Variants in PTPRN2 observed in about 807,000 individuals in gnomAD.
PTPRN2 encodes receptor-type tyrosine-protein phosphatase N2.
Under a neutral mutation model 118.8 loss-of-function variants are expected in PTPRN2, and 74 were observed. That is an observed-to-expected ratio of 0.62 (90% CI 0.52 to 0.76). The LOEUF is 0.76. PTPRN2 is among the 30% of genes least tolerant of loss of function. The pLI is 0.00. For synonymous variants in PTPRN2, 641 were observed against 608.0 expected (o/e 1.05, Z -0.80); for missense variants, 1,481 against 1,394.4 (o/e 1.06, Z -0.99).
At chr7:158,271,219 T>C (rs925333576) in intron 3 of PTPRN2, among the ~76,000 whole-genome samples, 3 of 152,084 alleles carry the variant, frequency 2.0e-5, no homozygotes, top group African/African-American at 7.2e-5. Context: ...TTCTCTTGTG[T>C]TGTGAATGCA....
intron 12 of PTPRN2, among the ~76,000 whole-genome samples, chr7:157,842,219 AC>A (rs1808472320): frequency 6.6e-6 from 1 of 151,996 alleles, no homozygotes; most frequent in South Asian, 2.1e-4. Context: ...ACATGGTCAA[AC>A]CAGGCCTCCC....
In PTPRN2 at chr7:157,729,175, A is replaced by G. The variant is rs1449305767; in HGVS notation, c.1789-46238T>C. ...TTTTTGGACAGAATTCCTATTAAAT[A>G]CAATATAGAGTATTTCATTTTCTGC... On this transcript the variant is annotated intron_variant, in intron 12 of 22. Coordinates refer to ENST00000389418, the MANE Select transcript of PTPRN2 (RefSeq NM_002847.5). The surrounding 1 kb of genome is among the most constrained non-coding windows in gnomAD (Gnocchi z 4.3). 6.6e-6 allele frequency among the ~76,000 whole-genome samples: 1 copy of G among 152,076 alleles called. No individual in the cohort carries two copies. Among genetic ancestry groups the G allele is most frequent in the Non-Finnish European group, 1.5e-5 (1 of 68,006 alleles).
intron 11 of PTPRN2, among the ~76,000 whole-genome samples, chr7:157,917,863 G>A (rs948328597): frequency 1.3e-5 from 2 of 152,096 alleles, no homozygotes; most frequent in African/African-American, 4.8e-5. Flanking sequence ...TCAGCAGGCC[G>A]AGCTGGGGCT....
At chr7:157,817,998 G>C (rs1017987242) in intron 12 of PTPRN2, among the ~76,000 whole-genome samples, 3 of 151,954 alleles carry the variant, frequency 2.0e-5, no homozygotes, top group Admixed American at 6.6e-5. Flanking sequence ...TATGTGTTGT[G>C]CGTGGGGCAT....
chr7:157,622,396 C>G lies in PTPRN2; in HGVS notation c.2197-887G>C, dbSNP rs1342153577. Reference sequence around the variant, plus strand: ...CGGCCACGCATTCCAATGTCAGGCCCGGGGTCCAAGCCCTTCTCACCTTCT... The same window carrying G: ...CGGCCACGCATTCCAATGTCAGGCCGGGGGTCCAAGCCCTTCTCACCTTCT... On this transcript the variant is annotated intron_variant, in intron 14 of 22. Transcript: ENST00000389418. This position sits in a 1 kb window ranked among gnomAD's most constrained non-coding sequence, Gnocchi z 5.3. Among the ~76,000 whole-genome samples, 1 of 152,130 alleles carries G rather than the reference C, an allele frequency of 6.6e-6. No individual in the cohort carries two copies. The highest frequency in any genetic ancestry group is 2.4e-5 in the African/African-American group (1 of 41,428).
At chr7:157,956,919 T>G (rs1168532610) in intron 11 of PTPRN2, among the ~76,000 whole-genome samples, 3 of 152,236 alleles carry the variant, frequency 2.0e-5, no homozygotes, top group Non-Finnish European at 4.4e-5. Context: ...ATCTGCAACC[T>G]TGCTAGAATG....
intron 12 of PTPRN2, among the ~76,000 whole-genome samples, chr7:157,788,374 C>CAAAAAAAAAAAAAAAAAA (rs749886375): frequency 9.3e-5 from 7 of 75,536 alleles, no homozygotes; most frequent in South Asian, 5.1e-4. Flanking sequence ...GACTCCATCT[C>CAAAAAAAAAAAAAAAAAA]AAAAAAAAAA....
chr7:158,529,210 G>A lies in PTPRN2; in HGVS notation c.113-39425C>T, dbSNP rs1825031984. Among the ~76,000 whole-genome samples the A allele has an allele frequency of 6.6e-6, 1 of 152,260 alleles. No homozygotes were observed. Among genetic ancestry groups the A allele is most frequent in the Admixed American group, 6.5e-5 (1 of 15,290 alleles). On this transcript the variant is annotated intron_variant, in intron 1 of 22. Transcript: ENST00000389418. This position sits in a 1 kb window ranked among gnomAD's most constrained non-coding sequence, Gnocchi z 4.7. ...ACCTGGTGGGCACTAAGCACCCGTC[G>A]CTGTTGGTCCTGGGGCTAACGCTGA...
chr7:158,091,213 T>A (rs1563422401), intron 10 of PTPRN2, among the ~76,000 whole-genome samples: 1 of 152,238 alleles, frequency 6.6e-6, no homozygotes, highest in Non-Finnish European at 1.5e-5. Context: ...GAATAGACAC[T>A]GCCTAAGCAG....
intron 12 of PTPRN2, among the ~76,000 whole-genome samples, chr7:157,771,531 C>T (rs1267469001): frequency 6.6e-6 from 1 of 152,214 alleles, no homozygotes; most frequent in African/African-American, 2.4e-5. Flanking sequence ...GGATCTGGGA[C>T]TCCACAGAGC....
At chr7:157,541,671 T>G (rs1264490181) in intron 22 of PTPRN2, among the ~76,000 whole-genome samples, 1 of 152,232 alleles carries the variant, frequency 6.6e-6, no homozygotes, top group Non-Finnish European at 1.5e-5. Flanking sequence ...AACAACACTG[T>G]TACCCAGCTA....
intron 11 of PTPRN2, among the ~76,000 whole-genome samples, chr7:157,989,771 C>G (rs570489900): frequency 1.3e-5 from 2 of 152,256 alleles, no homozygotes; most frequent in South Asian, 4.1e-4. Context: ...AGATGGGAAA[C>G]CGGGGCTCAG....
At chr7:158,270,598 T>C (rs571903457) in intron 3 of PTPRN2, among the ~76,000 whole-genome samples, 27 of 152,134 alleles carry the variant, frequency 1.8e-4, no homozygotes, top group African/African-American at 6.5e-4. Flanking sequence ...AACTGAGTCC[T>C]TTCAGGGCAG....
At chr7:157,876,464 C>A (rs968835361) in intron 12 of PTPRN2, among the ~76,000 whole-genome samples, 1 of 152,170 alleles carries the variant, frequency 6.6e-6, no homozygotes, top group Non-Finnish European at 1.5e-5. Flanking sequence ...TTATCCCTTT[C>A]CTTAGAAAAA....
At chr7:158,293,670 A>G (rs1800265771) in intron 3 of PTPRN2, among the ~76,000 whole-genome samples, 1 of 152,198 alleles carries the variant, frequency 6.6e-6, no homozygotes, top group African/African-American at 2.4e-5. Flanking sequence ...CACATAGTAC[A>G]GCAGTATAAA....
At chr7:157,702,234 A>C (rs1798114474) in intron 12 of PTPRN2, among the ~76,000 whole-genome samples, 1 of 150,194 alleles carries the variant, frequency 6.7e-6, no homozygotes, top group South Asian at 2.1e-4. Flanking sequence ...TTTATGAGAA[A>C]GCCTGGTCGG....
At chr7:157,600,120 C>A (rs1328752491) in intron 16 of PTPRN2, among the ~76,000 whole-genome samples, 68 of 82,514 alleles carry the variant, frequency 8.2e-4, no homozygotes, top group Non-Finnish European at 1.3e-3. Flanking sequence ...CACCTCTCCA[C>A]CTGCCCACCT....
chr7:157,790,041 GTGTGGTGTT>G (rs1436253150), intron 12 of PTPRN2, among the ~76,000 whole-genome samples: 22 of 69,910 alleles, frequency 3.1e-4, no homozygotes, highest in Non-Finnish European at 3.4e-4. Context: ...GTGGGGGTGT[GTGTGGTGTT>G]TGTGTGGTGT....
At chr7:158,248,945 CCCA>C (rs1478217456) in intron 3 of PTPRN2, among the ~76,000 whole-genome samples, 2 of 151,812 alleles carry the variant, frequency 1.3e-5, no homozygotes, top group African/African-American at 4.8e-5. Context: ...CACACATGCA[CCCA>C]CATCACATAC....
Sources: allele counts gnomAD v4.1 joint callset (sites outside exome capture counted in the v4.1 genomes callset), GRCh38; gene constraint gnomAD v4.1.1; non-coding constraint Gnocchi (gnomAD v3.1); transcripts MANE v1.5; gene names NCBI Gene and HGNC (gene_info 2026-07-23, HGNC 2026-07-21).